CELF4: variants seen among roughly 807,000 people sequenced by gnomAD.
CELF4 encodes CUGBP Elav-like family member 4.
In CELF4, 18 loss-of-function variants were observed where a neutral mutation model predicts 59.9. The ratio of observed to expected loss-of-function variants is 0.30; its 90% CI spans 0.21 to 0.45. The LOEUF (loss-of-function observed/expected upper bound fraction) is 0.45. Ranked by LOEUF, CELF4 falls within the 20% of genes least tolerant of loss-of-function variation. The pLI, the probability that CELF4 is intolerant of heterozygous loss-of-function variation, is 1.00. For synonymous variants in CELF4, 261 were observed against 267.1 expected (o/e 0.98, Z 0.22); for missense variants, 456 against 689.0 (o/e 0.66, Z 3.79).
rs1201400043 is a variant in CELF4, at chr18:37,355,658, G to C, written c.370-33777C>G. The stretch of plus-strand genomic sequence containing the variant: ...ACTGTACTCCAGCCTGGGCGACAGA[G>C]TGAGACTCCATCCCCACCCACCCCA... On this transcript the variant is annotated intron_variant, in intron 2 of 12. Transcript: ENST00000420428. Among the ~76,000 whole-genome samples the C allele has an allele frequency of 4.4e-5, 5 of 114,786 alleles. No individual in the cohort carries two copies. The Admixed American group carries it at 4.9e-4, about 11-fold the overall frequency. The allele number at this position is 114,786 out of a possible 152,430, so 75.3% of individuals were successfully genotyped here. A position where few individuals can be genotyped will look rare whatever the true frequency, so the allele number is the denominator to read the frequency against.
chr18:37,541,559 G>A (rs1474024382), intron 1 of CELF4, among the ~76,000 whole-genome samples: 4 of 152,010 alleles, frequency 2.6e-5, no homozygotes, highest in African/African-American at 4.8e-5. Flanking sequence ...AACATACATC[G>A]GAACATGGCT....
intron 2 of CELF4, among the ~76,000 whole-genome samples, chr18:37,342,836 T>C (rs541048518): frequency 6.6e-6 from 1 of 152,350 alleles, no homozygotes; most frequent in South Asian, 2.1e-4. Context: ...CTCCCATTAG[T>C]GCAAGGAAGC....
chr18:37,357,545 C>T (rs111331555), intron 2 of CELF4, among the ~76,000 whole-genome samples: 116 of 152,286 alleles, frequency 7.6e-4, no homozygotes, highest in African/African-American at 2.6e-3. Flanking sequence ...AATGTGGAGT[C>T]GGAGCCTCCA....
chr18:37,449,124 C>T (rs542336290), intron 2 of CELF4, among the ~76,000 whole-genome samples: 118 of 152,330 alleles, frequency 7.7e-4, no homozygotes, highest in African/African-American at 2.8e-3. Context: ...AGCTGGTTGC[C>T]CCAGCTCAGT....
At chr18:37,326,701 C>A (rs955098875) in intron 2 of CELF4, among the ~76,000 whole-genome samples, 3 of 152,162 alleles carry the variant, frequency 2.0e-5, no homozygotes, top group Non-Finnish European at 4.4e-5. Context: ...TACTTCCAGC[C>A]GGGCGCCCCT....
intron 3 of CELF4, among the ~76,000 whole-genome samples, chr18:37,277,587 A>T (rs925607023): frequency 6.6e-6 from 1 of 152,158 alleles, no homozygotes; most frequent in African/African-American, 2.4e-5. Context: ...AGAGGCAAAG[A>T]GCTGGGAGAA....
At chr18:37,439,330 G>A (rs1158928441) in intron 2 of CELF4, among the ~76,000 whole-genome samples, 1 of 152,160 alleles carries the variant, frequency 6.6e-6, no homozygotes, top group African/African-American at 2.4e-5. Context: ...TGAAAGTGGG[G>A]TTTACATAAA....
At chr18:37,414,708 A>T (rs2099512989) in intron 2 of CELF4, among the ~76,000 whole-genome samples, 1 of 152,018 alleles carries the variant, frequency 6.6e-6, no homozygotes, top group Non-Finnish European at 1.5e-5. Context: ...CGTGTTAGCC[A>T]GGATGGTCTC....
chr18:37,485,417 G>T, intron 2 of CELF4, 108 bp downstream of exon 2: 2 of 413,834 alleles, frequency 4.8e-6, no homozygotes, highest in South Asian at 9.6e-5. Flanking sequence ...CAGGCGGGGC[G>T]GCGGGCGCCC....
At chr18:37,256,610 G>A (rs1238104137) in intron 11 of CELF4, among the ~76,000 whole-genome samples, 5 of 152,054 alleles carry the variant, frequency 3.3e-5, no homozygotes, top group African/African-American at 7.2e-5. Flanking sequence ...TTTTTGAGAC[G>A]GAGTATTGCT....
chr18:37,349,443 G>C (rs2098390094), intron 2 of CELF4, among the ~76,000 whole-genome samples: 1 of 152,242 alleles, frequency 6.6e-6, no homozygotes, highest in African/African-American at 2.4e-5. Context: ...AGGGAGGAAG[G>C]AGGGAACCAG....
At chr18:37,299,917 T>A (rs558427569) in intron 3 of CELF4, among the ~76,000 whole-genome samples, 1 of 152,082 alleles carries the variant, frequency 6.6e-6, no homozygotes, top group East Asian at 1.9e-4. Flanking sequence ...CTTGGTCAGG[T>A]TGTCCCAGGG....
intron 1 of CELF4, among the ~76,000 whole-genome samples, chr18:37,559,603 G>A (rs2099985939): frequency 6.6e-6 from 1 of 151,974 alleles, no homozygotes; most frequent in African/African-American, 2.4e-5. Context: ...ATTCTCTTTA[G>A]GTGAGATCCC....
At chr18:37,385,363 A>AAG (rs2099087949) in intron 2 of CELF4, among the ~76,000 whole-genome samples, 1 of 151,364 alleles carries the variant, frequency 6.6e-6, no homozygotes, top group African/African-American at 2.4e-5. Flanking sequence ...TCAAAAAAAA[A>AAG]AAAAAAAAAG....
At chr18:37,493,242 G>A (rs1040343259) in intron 1 of CELF4, among the ~76,000 whole-genome samples, 7 of 152,238 alleles carry the variant, frequency 4.6e-5, no homozygotes, top group Non-Finnish European at 7.4e-5. Flanking sequence ...TAGAGCCCAC[G>A]TAACTTTCTA....
At chr18:37,348,292 A>T (rs1282437368) in intron 2 of CELF4, among the ~76,000 whole-genome samples, 3 of 152,160 alleles carry the variant, frequency 2.0e-5, no homozygotes, top group African/African-American at 7.2e-5. Flanking sequence ...CTACACGCAC[A>T]CACTAGGCCC....
At chr18:37,296,078 C>T (rs1437266740) in intron 3 of CELF4, among the ~76,000 whole-genome samples, 1 of 152,228 alleles carries the variant, frequency 6.6e-6, no homozygotes, top group Non-Finnish European at 1.5e-5. Context: ...CCACAAAAAT[C>T]CTCATTCCAG....
In CELF4 at chr18:37,506,031, T is replaced by C. The variant is rs11659243; in HGVS notation, c.287-20424A>G. Among the ~76,000 whole-genome samples, 1,122 of 152,184 alleles carry C rather than the reference T, an allele frequency of 7.4e-3. 28 individuals are homozygous for C. The South Asian group carries it at 0.093, about 13-fold the overall frequency. On this transcript the variant is annotated intron_variant, in intron 1 of 12. Transcript: ENST00000420428. Reference sequence around the variant, plus strand: ...GAGAGTAGTGGGTAGGAGCTGCCATTCAAAGCCTCAGCCCTGGTTTGTTTC... The same window carrying C: ...GAGAGTAGTGGGTAGGAGCTGCCATCCAAAGCCTCAGCCCTGGTTTGTTTC...
intron 2 of CELF4, among the ~76,000 whole-genome samples, chr18:37,415,700 G>A (rs2099521923): frequency 6.6e-6 from 1 of 152,136 alleles, no homozygotes; most frequent in Non-Finnish European, 1.5e-5. Context: ...GCTGTATATG[G>A]AGCCTGACGA....
Sources: allele counts gnomAD v4.1 joint callset (sites outside exome capture counted in the v4.1 genomes callset), GRCh38; gene constraint gnomAD v4.1.1; transcripts MANE v1.5; gene names NCBI Gene and HGNC (gene_info 2026-07-23, HGNC 2026-07-21).